The following FOXN2 variants were observed in gnomAD, a reference collection of about 807,000 sequenced individuals.
The protein encoded by FOXN2 is forkhead box N2.
Under a neutral mutation model 41.2 loss-of-function variants are expected in FOXN2, and 19 were observed. That is an observed-to-expected ratio of 0.46 (90% CI 0.32 to 0.68). The LOEUF (loss-of-function observed/expected upper bound fraction) is 0.68, where lower values mean the gene tolerates loss of function less well. Among genes scored for constraint, FOXN2 ranks in the 30% least tolerant of loss-of-function variants. FOXN2 has a pLI of 0.03. For synonymous variants in FOXN2, 195 were observed against 176.8 expected (o/e 1.10, Z -0.82); for missense variants, 587 against 509.4 (o/e 1.15, Z -1.47).
In FOXN2 at chr2:48,375,302, G is replaced by A. The variant is rs756898015; in HGVS notation, c.1155G>A (p.Met385Ile). The A allele has an allele frequency of 1.2e-6, 2 of 1,613,836 alleles. No individual in the cohort carries two copies. Among genetic ancestry groups the A allele is most frequent in the African/African-American group, 2.7e-5 (2 of 74,928 alleles). Residue 385 changes from methionine (M) to isoleucine (I), a missense_variant, in exon 7 of 7, where the codon ATG (methionine) becomes ATA (isoleucine). Met to Ile is a conservative substitution (Grantham distance 10, BLOSUM62 1). Coordinates refer to ENST00000340553, the MANE Select transcript of FOXN2 (RefSeq NM_002158.4). ...ISEKGQSGKK[M>I]RKQTCQEIDE... The stretch of plus-strand genomic sequence containing the variant: ...AAAAAGGGCAGTCAGGCAAAAAGAT[G>A]CGAAAACAGACATGTCAAGAAATTG...
chr2:48,320,293 A>ATTTTTTT (rs140999009), intron 1 of FOXN2, among the ~76,000 whole-genome samples: 1 of 148,908 alleles, frequency 6.7e-6, no homozygotes, highest in African/African-American at 2.5e-5. Context: ...GTATAATTTA[A>ATTTTTTT]TTTTTTTTTT....
chr2:48,345,410 A>AAGT (rs1300951364), intron 2 of FOXN2, among the ~76,000 whole-genome samples: 1 of 152,108 alleles, frequency 6.6e-6, no homozygotes, highest in Non-Finnish European at 1.5e-5. Context: ...CAAGAGGAGT[A>AAGT]AGTTCTAGTG....
At chr2:48,328,364 A>AT (rs1669815364) in intron 1 of FOXN2, among the ~76,000 whole-genome samples, 197 bp from the exon 2 acceptor site, 1 of 152,244 alleles carries the variant, frequency 6.6e-6, no homozygotes, top group South Asian at 2.1e-4. Flanking sequence ...TAGTATTTGC[A>AT]TATAACCTAC....
intron 6 of FOXN2, 118 bp downstream of exon 6, chr2:48,373,478 CT>C: frequency 1.6e-6 from 1 of 606,698 alleles, no homozygotes; most frequent in Non-Finnish European, 2.9e-6. Context: ...GTATTTTGAT[CT>C]GAGTAACTCA....
At chr2:48,337,315 G>T (rs373105640) in intron 2 of FOXN2, among the ~76,000 whole-genome samples, 1 of 147,158 alleles carries the variant, frequency 6.8e-6, no homozygotes, top group South Asian at 2.1e-4. Context: ...TTTAAAGTGA[G>T]ACGGAGTTGT....
Position 48,368,704 on chromosome 2 carries a change from G to A in FOXN2, c.704-4588G>A, listed in dbSNP as rs561367489. On this transcript the variant is annotated intron_variant, in intron 5 of 6. Transcript: ENST00000340553. ...GAGACCCTGTTGATAAATAACGAAC[G>A]AATCAACGAAAATAGATTGGGTACT... Among the ~76,000 whole-genome samples, 5 of 152,148 alleles carry A rather than the reference G, an allele frequency of 3.3e-5. No homozygotes were observed. The South Asian group carries it at 8.3e-4, about 25-fold the overall frequency.
chr2:48,359,622 C>CTTTTTTT, intron 4 of FOXN2, among the ~76,000 whole-genome samples: 1 of 150,198 alleles, frequency 6.7e-6, no homozygotes, highest in African/African-American at 2.4e-5. Context: ...CTTTTCTTTT[C>CTTTTTTT]TTTTTTTAAG....
At chr2:48,314,665 G>A (rs1668757808), upstream of FOXN2, 1 of 152,938 alleles carries the variant, frequency 6.5e-6, no homozygotes. Flanking sequence ...GGGGGATGTG[G>A]TGCTGCCGGG....
chr2:48,346,845 T>A, intron 3 of FOXN2, 94 bp downstream of exon 3: 1 of 1,046,600 alleles, frequency 9.6e-7, no homozygotes, highest in Non-Finnish European at 1.4e-6. Flanking sequence ...AGACAATAAG[T>A]AGTCAAGTCA....
chr2:48,365,421 C>T (rs917855691), intron 5 of FOXN2, among the ~76,000 whole-genome samples: 1 of 152,234 alleles, frequency 6.6e-6, no homozygotes, highest in East Asian at 1.9e-4. Context: ...AAGTCTGACA[C>T]TTATTCTCTA....
At chr2:48,341,915 G>A (rs1354047052) in intron 2 of FOXN2, among the ~76,000 whole-genome samples, 1 of 152,172 alleles carries the variant, frequency 6.6e-6, no homozygotes, top group African/African-American at 2.4e-5. Context: ...GTTTGTAACA[G>A]AACAAGCTGT....
At chr2:48,323,766 T>A (rs1669491416) in intron 1 of FOXN2, among the ~76,000 whole-genome samples, 3 of 152,162 alleles carry the variant, frequency 2.0e-5, no homozygotes, top group Admixed American at 2.0e-4. Context: ...TTTGTTGCAG[T>A]TGCTTTTGAG....
chr2:48,373,641 C>T (rs762379385), intron 6 of FOXN2, among the ~76,000 whole-genome samples: 1 of 151,490 alleles, frequency 6.6e-6, no homozygotes, highest in Non-Finnish European at 1.5e-5. Context: ...AAACTATAAA[C>T]AAGAAAATAT....
Position 48,346,249 on chromosome 2 carries a change from G to A in FOXN2, c.35G>A (p.Arg12Lys), listed in dbSNP as rs1671091863. Residue 12 changes from arginine to lysine, a missense_variant, in exon 3 of 7, where the codon AGA becomes AAA. Physicochemically the swap from Arg to Lys is conservative, Grantham distance 26. Coordinates refer to ENST00000340553, the MANE Select transcript of FOXN2 (RefSeq NM_002158.4). The stretch of plus-strand genomic sequence containing the variant: ...GTAATTGGAATGACTCCAGATAAGA[G>A]AGCTGAAACCCCAGGAGCTGAAAAG... ...GPVIGMTPDK[R>K]AETPGAEKIA... The A allele has an allele frequency of 1.2e-6, 2 of 1,613,168 alleles. No individual in the cohort carries two copies. The highest frequency in any genetic ancestry group is 1.1e-5 in the South Asian group (1 of 90,968).
chr2:48,332,811 C>T (rs1350431300), intron 2 of FOXN2, among the ~76,000 whole-genome samples: 1 of 151,970 alleles, frequency 6.6e-6, no homozygotes, highest in African/African-American at 2.4e-5. Flanking sequence ...TTAATTTGTA[C>T]TAAGAATCCT....
chr2:48,336,617 A>G (rs1670381310), intron 2 of FOXN2, among the ~76,000 whole-genome samples: 1 of 152,080 alleles, frequency 6.6e-6, no homozygotes, highest in East Asian at 1.9e-4. Flanking sequence ...GAATCATTCC[A>G]AAGAAGGCAA....
intron 1 of FOXN2, among the ~76,000 whole-genome samples, chr2:48,315,400 G>GGT (rs1463672622): frequency 1.3e-5 from 2 of 152,154 alleles, no homozygotes; most frequent in Non-Finnish European, 2.9e-5. Context: ...GCGGGTCCCG[G>GGT]GTGTGTGTGG....
intron 1 of FOXN2, among the ~76,000 whole-genome samples, chr2:48,327,972 T>C (rs1266375020): frequency 6.6e-5 from 10 of 152,160 alleles, no homozygotes. Context: ...TTGGGGCTAT[T>C]AGTAAGGTAT....
intron 3 of FOXN2, among the ~76,000 whole-genome samples, chr2:48,350,550 C>G (rs1558628759): frequency 6.6e-6 from 1 of 152,176 alleles, no homozygotes; most frequent in Admixed American, 6.5e-5. Context: ...AGAGAAGAGT[C>G]CAGGATATAG....
Sources: gnomAD v4.1 joint callset for allele counts (sites outside exome capture counted in the v4.1 genomes callset) on GRCh38, gnomAD v4.1.1 for gene constraint, MANE v1.5 for transcripts, NCBI Gene and HGNC (gene_info 2026-07-23, HGNC 2026-07-21) for gene names.